The following TLN2 variants were observed in gnomAD, a reference collection of about 807,000 sequenced individuals.
TLN2 encodes talin-2.
Under a neutral mutation model 294.7 loss-of-function variants are expected in TLN2, and 118 were observed. The observed-to-expected ratio is 0.40, with a 90% CI of 0.34 to 0.47. The LOEUF (loss-of-function observed/expected upper bound fraction) is 0.47, where lower values mean the gene tolerates loss of function less well. TLN2 is among the 20% of genes least tolerant of loss of function. TLN2 has a pLI of 0.84. For missense variants in TLN2, 3,083 were observed against 3,282.2 expected, an observed-to-expected ratio of 0.94 and a Z score of 1.48; for synonymous variants, 1,431 against 1,304.5, an observed-to-expected ratio of 1.10 and a Z score of -2.09.
intron 35 of TLN2, 57 bp from the exon 36 acceptor site, chr15:62,753,715 CA>C: frequency 6.5e-7 from 1 of 1,539,596 alleles, no homozygotes; most frequent in Non-Finnish European, 8.8e-7. Flanking sequence ...CCATCATCCC[CA>C]GCAGGCTCAC....
intron 1 of TLN2, among the ~76,000 whole-genome samples, chr15:62,502,546 C>G (rs1194749489): frequency 6.6e-6 from 1 of 152,052 alleles, no homozygotes; most frequent in African/African-American, 2.4e-5. Context: ...CCTGGTGATA[C>G]GAGGGGTCTA....
chr15:62,481,067 T>C (rs2038061145), intron 1 of TLN2, among the ~76,000 whole-genome samples: 2 of 152,214 alleles, frequency 1.3e-5, no homozygotes, highest in Admixed American at 6.5e-5. Flanking sequence ...TTTCATTTTA[T>C]TACCTTGTCT....
intron 1 of TLN2, among the ~76,000 whole-genome samples, chr15:62,444,516 T>G (rs1289507377): frequency 6.6e-6 from 1 of 152,250 alleles, no homozygotes; most frequent in Non-Finnish European, 1.5e-5. Context: ...ATATGTCTGC[T>G]TTCTAAAGAA....
rs779688767 is a variant in TLN2 at position 62,702,124 on chromosome 15, A to T, written c.1829A>T (p.Asp610Val). Residue 610 changes from aspartate (D) to valine (V), a missense_variant, in exon 18 of 59, where the codon GAC (aspartate) becomes GTC (valine). Transcript: ENST00000636159. ...GATGATGAGGTGGGCAGCGGGGAGG[A>T]CTTGCTCAGAGCTGCCAGGACCCTC... The part of the protein sequence containing the change: ...LMDDEVGSGE[D>V]LLRAARTLAG... The T allele has an allele frequency of 4.3e-6, 7 of 1,613,864 alleles. No individual in the cohort carries two copies. The highest frequency in any genetic ancestry group is 5.9e-6 in the Non-Finnish European group (7 of 1,180,008).
At position 62,601,641 on chromosome 15, in the gene TLN2, TATTCTA is replaced by T. The variant is rs547019789; in HGVS notation, c.-162+11886_-162+11891del. ...TTCATTAGTGATTGCAAAATAGTGGTATTCTAATTCTATCATTCCTACCTTGTTTAT... is the reference window on the plus strand; with the variant it reads ...TTCATTAGTGATTGCAAAATAGTGGTATTCTATCATTCCTACCTTGTTTAT... On this transcript the variant is annotated intron_variant, in intron 2 of 58. Coordinates refer to ENST00000636159, the MANE Select transcript of TLN2 (RefSeq NM_015059.3). 5.3e-5 allele frequency among the ~76,000 whole-genome samples: 8 copies of T among 152,366 alleles called. No homozygotes were observed. The East Asian group carries it at 1.5e-3, about 29-fold the overall frequency.
intron 3 of TLN2, among the ~76,000 whole-genome samples, chr15:62,645,827 A>G (rs755020034): frequency 1.3e-5 from 2 of 152,210 alleles, no homozygotes; most frequent in Non-Finnish European, 2.9e-5. Flanking sequence ...CTAAGATTCT[A>G]TTAGCTACTA....
intron 13 of TLN2, 66 bp downstream of exon 13, chr15:62,693,007 G>A (rs1346870014): frequency 7.2e-6 from 10 of 1,388,318 alleles, no homozygotes; most frequent in African/African-American, 2.9e-5. Context: ...TTTCGATGAC[G>A]TGGCTACCTT....
At chr15:62,664,857 C>CCA (rs2054366500) in intron 9 of TLN2, among the ~76,000 whole-genome samples, 1 of 29,212 alleles carries the variant, frequency 3.4e-5, no homozygotes, top group Non-Finnish European at 6.0e-5. Flanking sequence ...GAAACTGTCT[C>CCA]AAAAAAAAAA....
chr15:62,694,684 C>G (rs1033368311), intron 14 of TLN2, among the ~76,000 whole-genome samples: 3 of 152,180 alleles, frequency 2.0e-5, no homozygotes, highest in Admixed American at 1.3e-4. Flanking sequence ...TGATTTAAAT[C>G]TCATGATCGA....
chr15:62,635,869 A>C (rs1211269919), intron 3 of TLN2, among the ~76,000 whole-genome samples: 1 of 152,210 alleles, frequency 6.6e-6, no homozygotes, highest in Non-Finnish European at 1.5e-5. Flanking sequence ...CCCTGACACA[A>C]GCACTGTATC....
chr15:62,486,452 GTT>G (rs34975634), intron 1 of TLN2, among the ~76,000 whole-genome samples: 3,057 of 93,008 alleles, frequency 0.033, 51 homozygotes, highest in African/African-American at 0.12. Flanking sequence ...CAGTTCCTTT[GTT>G]TTTTTTTTTT....
At chr15:62,747,295 C>G (rs1182688056) in intron 32 of TLN2, among the ~76,000 whole-genome samples, 1 of 152,170 alleles carries the variant, frequency 6.6e-6, no homozygotes, top group Non-Finnish European at 1.5e-5. Flanking sequence ...AATTCTGTAT[C>G]TACTTATGGG....
chr15:62,691,097 A>G (rs1489425086), intron 12 of TLN2, among the ~76,000 whole-genome samples: 1 of 151,332 alleles, frequency 6.6e-6, no homozygotes, highest in Admixed American at 6.6e-5. Flanking sequence ...GATTTCTTCT[A>G]TTTGGAGTTC....
At chr15:62,430,893 G>C (rs189750241) in intron 1 of TLN2, among the ~76,000 whole-genome samples, 15 of 149,926 alleles carry the variant, frequency 1.0e-4, no homozygotes, top group African/African-American at 3.4e-4. Flanking sequence ...AGTCTCAAAG[G>C]CTTCCTGGAG....
intron 3 of TLN2, among the ~76,000 whole-genome samples, chr15:62,620,996 G>A (rs1415480888): frequency 6.6e-6 from 1 of 151,356 alleles, no homozygotes; most frequent in Non-Finnish European, 1.5e-5. Context: ...CCGCCACCAC[G>A]CCCGGCTAAT....
At chr15:62,833,400 C>T in intron 54 of TLN2, 104 bp from the exon 55 acceptor site, 2 of 1,503,794 alleles carry the variant, frequency 1.3e-6, no homozygotes, top group Middle Eastern at 1.8e-4. Flanking sequence ...CAACAAAAAA[C>T]AATAGGCAGG....
chr15:62,705,510 A>G (rs2059003069), intron 19 of TLN2, among the ~76,000 whole-genome samples: 1 of 152,190 alleles, frequency 6.6e-6, no homozygotes, highest in East Asian at 1.9e-4. Context: ...TTTTTGGACA[A>G]AATTAATAAG....
At chr15:62,525,460 G>A (rs1362529863) in intron 1 of TLN2, among the ~76,000 whole-genome samples, 2 of 152,120 alleles carry the variant, frequency 1.3e-5, no homozygotes, top group Non-Finnish European at 2.9e-5. Context: ...TCCTCCCCTG[G>A]GGACAACCAT....
intron 1 of TLN2, among the ~76,000 whole-genome samples, chr15:62,500,649 T>C (rs2039257008): frequency 1.3e-5 from 2 of 152,314 alleles, no homozygotes; most frequent in South Asian, 4.1e-4. Context: ...AGCAGAATTA[T>C]CTGAGAAATG....
Sources: gnomAD v4.1 joint callset for allele counts (sites outside exome capture counted in the v4.1 genomes callset) on GRCh38, gnomAD v4.1.1 for gene constraint, MANE v1.5 for transcripts, NCBI Gene and HGNC (gene_info 2026-07-23, HGNC 2026-07-21) for gene names.